Variants in ADAMTS3 observed in about 807,000 individuals in gnomAD.
ADAMTS3 encodes ADAM metallopeptidase with thrombospondin type 1 motif 3.
A neutral mutation model predicts 129.0 loss-of-function variants in ADAMTS3; 73 were observed. The ratio of observed to expected loss-of-function variants is 0.57; its 90% CI spans 0.47 to 0.69. The LOEUF (loss-of-function observed/expected upper bound fraction) is 0.69, where lower values mean the gene tolerates loss of function less well. Ranked by LOEUF, ADAMTS3 falls within the 30% of genes least tolerant of loss-of-function variation. ADAMTS3 has a pLI of 0.00. For missense variants in ADAMTS3, 1,457 were observed against 1,514.5 expected (o/e 0.96, Z 0.63); for synonymous variants, 477 against 510.8 (o/e 0.93, Z 0.89).
chr4:72,475,475 C>A (rs1185932720), intron 3 of ADAMTS3, among the ~76,000 whole-genome samples: 3 of 151,924 alleles, frequency 2.0e-5, no homozygotes, highest in African/African-American at 7.2e-5. Flanking sequence ...ATCTTAAATA[C>A]ATATGCACCA....
intron 16 of ADAMTS3, 60 bp downstream of exon 16, chr4:72,305,927 C>A (rs939220222): frequency 2.9e-6 from 4 of 1,390,686 alleles, no homozygotes; most frequent in Admixed American, 1.9e-5. Context: ...TTTAGGATTT[C>A]TTTGACATTT....
intron 3 of ADAMTS3, among the ~76,000 whole-genome samples, chr4:72,482,044 T>C (rs954376393): frequency 1.3e-5 from 2 of 152,140 alleles, no homozygotes; most frequent in Admixed American, 1.3e-4. Flanking sequence ...CATTCATACG[T>C]TGCTGGTGGG....
At chr4:72,304,331 A>G (rs1719030401) in intron 16 of ADAMTS3, among the ~76,000 whole-genome samples, 1 of 152,170 alleles carries the variant, frequency 6.6e-6, no homozygotes, top group South Asian at 2.1e-4. Flanking sequence ...ATGTTTGCAA[A>G]TATTCCCATT....
At chr4:72,383,315 T>C (rs1721345973) in intron 4 of ADAMTS3, among the ~76,000 whole-genome samples, 1 of 152,188 alleles carries the variant, frequency 6.6e-6, no homozygotes, top group Non-Finnish European at 1.5e-5. Flanking sequence ...AGAGAGGAGC[T>C]GTCACTTGGA....
At position 72,281,420 on chromosome 4, in the gene ADAMTS3, T is replaced by G. The variant is rs1168473576; in HGVS notation, c.*1716A>C. ...TTCATCTACATTTTAGTTTGTATAA[T>G]ATATTTTTAGACAGCTCAGGTACTG... is the stretch of plus-strand genomic sequence containing the variant. On this transcript the variant is annotated 3_prime_UTR_variant, in exon 22 of 22. Transcript: ENST00000286657. The G allele has an allele frequency of 6.6e-6, 1 of 152,612 alleles. No individual in the cohort carries two copies. The highest frequency in any genetic ancestry group is 1.5e-5 in the Non-Finnish European group (1 of 68,040). The allele number at this position is 152,612 out of a possible 1,614,324, so 9.5% of individuals were successfully genotyped here. A position where few individuals can be genotyped will look rare whatever the true frequency, so the allele number is the denominator to read the frequency against.
intron 3 of ADAMTS3, among the ~76,000 whole-genome samples, chr4:72,428,350 T>C (rs1235780770): frequency 2.6e-5 from 4 of 152,240 alleles, no homozygotes; most frequent in Admixed American, 2.6e-4. Context: ...GTATCTGTTT[T>C]AGTTTTTCAT....
At chr4:72,312,662 C>T (rs1446456173) in intron 12 of ADAMTS3, among the ~76,000 whole-genome samples, 196 bp from the exon 13 acceptor site, 3 of 151,848 alleles carry the variant, frequency 2.0e-5, no homozygotes, top group Non-Finnish European at 4.4e-5. Flanking sequence ...AAACAAAACA[C>T]AAAGCTCAAC....
At chr4:72,552,986 C>G (rs1721680984) in intron 2 of ADAMTS3, among the ~76,000 whole-genome samples, 1 of 152,168 alleles carries the variant, frequency 6.6e-6, no homozygotes, top group Admixed American at 6.6e-5. Flanking sequence ...CTCTTCACCT[C>G]ATTTCCCCAC....
At chr4:72,551,384 G>A (rs1281876600) in intron 2 of ADAMTS3, among the ~76,000 whole-genome samples, 3 of 151,958 alleles carry the variant, frequency 2.0e-5, no homozygotes, top group Non-Finnish European at 4.4e-5. Context: ...CAGGTATTAT[G>A]TTCTAAATTT....
intron 3 of ADAMTS3, among the ~76,000 whole-genome samples, chr4:72,421,953 T>C (rs1239691479): frequency 6.6e-6 from 1 of 152,202 alleles, no homozygotes; most frequent in African/African-American, 2.4e-5. Flanking sequence ...AATGCCCATT[T>C]AGGTAGTCAT....
chr4:72,351,902 C>T (rs1720447520), intron 4 of ADAMTS3, among the ~76,000 whole-genome samples: 1 of 151,804 alleles, frequency 6.6e-6, no homozygotes, highest in South Asian at 2.1e-4. Flanking sequence ...AGCCACGTTA[C>T]AGAGGTAAAG....
intron 4 of ADAMTS3, among the ~76,000 whole-genome samples, chr4:72,370,599 A>T (rs2109866449): frequency 6.6e-6 from 1 of 152,176 alleles, no homozygotes; most frequent in Non-Finnish European, 1.5e-5. Flanking sequence ...AATACAAAAA[A>T]ATTAGCCAGG....
rs143458596 is a variant in ADAMTS3 at position 72,282,372 on chromosome 4, G to A, written c.*764C>T. The stretch of plus-strand genomic sequence containing the variant: ...ACCAATCCTTTAAATTATAAGTATA[G>A]AAGGCAATAGGTAAGCTGATATCTG... On this transcript the variant is annotated 3_prime_UTR_variant, in exon 22 of 22. Coordinates refer to ENST00000286657, the MANE Select transcript of ADAMTS3 (RefSeq NM_014243.3). The A allele has an allele frequency of 1.4e-3, 216 of 152,268 alleles. No homozygotes were observed. Among genetic ancestry groups the A allele is most frequent in the African/African-American group, 5.0e-3 (207 of 41,540 alleles). 9.4% of individuals were successfully genotyped at this position (152,268 alleles called of 1,614,324 possible).
chr4:72,407,208 T>C (rs532467823), intron 4 of ADAMTS3, among the ~76,000 whole-genome samples: 7 of 152,162 alleles, frequency 4.6e-5, no homozygotes, highest in African/African-American at 1.7e-4. Context: ...ACAATGTATA[T>C]CTTCATATAT....
intron 18 of ADAMTS3, among the ~76,000 whole-genome samples, chr4:72,297,205 G>A (rs1012196811): frequency 2.0e-5 from 3 of 151,986 alleles, no homozygotes; most frequent in Non-Finnish European, 4.4e-5. Flanking sequence ...TGCAATAATC[G>A]TCCCTCCCAA....
At chr4:72,538,039 A>C (rs1176386527) in intron 3 of ADAMTS3, among the ~76,000 whole-genome samples, 2 of 152,314 alleles carry the variant, frequency 1.3e-5, no homozygotes, top group East Asian at 3.9e-4. Context: ...AGATTTGAGC[A>C]GGCAGAAAAA....
At position 72,434,003 on chromosome 4, in the gene ADAMTS3, GC is replaced by G. The variant is rs1170232625; in HGVS notation, c.505-19033del. ...TTGGTGAAATCTCATTACAACAGTA[GC>G]TGACCAATAGCTGGTCAGATATACT... On this transcript the variant is annotated intron_variant, in intron 3 of 21. Transcript: ENST00000286657. Among the ~76,000 whole-genome samples the G allele has an allele frequency of 4.0e-5, 6 of 151,890 alleles. No homozygotes were observed. In the South Asian group the frequency reaches 1.2e-3, roughly 32 times the overall value.
chr4:72,304,569 A>G (rs570325317), intron 16 of ADAMTS3, among the ~76,000 whole-genome samples: 2 of 152,214 alleles, frequency 1.3e-5, no homozygotes, highest in South Asian at 4.1e-4. Context: ...TCAGGCAACA[A>G]TTTAGTTCTC....
In ADAMTS3 at chr4:72,298,515, T is replaced by A. The variant is rs1300407199; in HGVS notation, c.2425-73A>T. The A allele has an allele frequency of 1.4e-5, 16 of 1,179,018 alleles. No homozygotes were observed. In the Admixed American group the frequency reaches 3.4e-4, roughly 25 times the overall value. 73.0% of individuals were successfully genotyped at this position (1,179,018 alleles called of 1,614,324 possible). ...TTTTGAGTGTAAAATTACAAATATT[T>A]CAGAATATTGCTCTTATTAAAACTG... On this transcript the variant is annotated intron_variant, in intron 17 of 21. Transcript: ENST00000286657.
Sources: allele counts gnomAD v4.1 joint callset (sites outside exome capture counted in the v4.1 genomes callset), GRCh38; gene constraint gnomAD v4.1.1; transcripts MANE v1.5; gene names NCBI Gene and HGNC (gene_info 2026-07-23, HGNC 2026-07-21).